Variants in STT3B observed in about 807,000 individuals in gnomAD.
STT3B encodes STT3 oligosaccharyltransferase complex catalytic subunit B.
A neutral mutation model predicts 96.8 loss-of-function variants in STT3B; 29 were observed. That is an observed-to-expected ratio of 0.30 (90% CI 0.22 to 0.41). The LOEUF is 0.41. STT3B is among the 10% of genes least tolerant of loss of function. STT3B has a pLI of 1.00. For synonymous variants in STT3B, 367 were observed against 360.0 expected, an observed-to-expected ratio of 1.02 and a Z score of -0.22; for missense variants, 640 against 1,022.3, an observed-to-expected ratio of 0.63 and a Z score of 5.10.
intron 1 of STT3B, among the ~76,000 whole-genome samples, chr3:31,563,709 C>T (rs1049027021): frequency 3.9e-5 from 6 of 152,142 alleles, no homozygotes; most frequent in Admixed American, 1.3e-4. Flanking sequence ...GATATAATGC[C>T]CCTGTGGCCA....
At chr3:31,599,374 G>A (rs1698872960) in intron 4 of STT3B, among the ~76,000 whole-genome samples, 1 of 152,108 alleles carries the variant, frequency 6.6e-6, no homozygotes, top group Non-Finnish European at 1.5e-5. Context: ...TTCAAATTTA[G>A]ACTTAAATTT....
chr3:31,586,590 T>C (rs1698542916), intron 3 of STT3B, among the ~76,000 whole-genome samples: 1 of 152,126 alleles, frequency 6.6e-6, no homozygotes, highest in Admixed American at 6.6e-5. Context: ...TAAGGGTTGT[T>C]GGGTTTGAAT....
intron 1 of STT3B, among the ~76,000 whole-genome samples, chr3:31,551,606 C>T (rs1575409688): frequency 6.6e-6 from 1 of 152,152 alleles, no homozygotes; most frequent in Admixed American, 6.5e-5. Context: ...ACCGTTCCCA[C>T]GAATACATGT....
intron 1 of STT3B, among the ~76,000 whole-genome samples, chr3:31,569,958 G>A (rs1012837023): frequency 2.6e-5 from 4 of 151,876 alleles, no homozygotes; most frequent in South Asian, 2.1e-4. Flanking sequence ...CTATATCTAC[G>A]TATATATACC....
At chr3:31,550,293 C>T (rs955759024) in intron 1 of STT3B, among the ~76,000 whole-genome samples, 1 of 152,188 alleles carries the variant, frequency 6.6e-6, no homozygotes, top group African/African-American at 2.4e-5. Flanking sequence ...TGCAGAGTAG[C>T]TCTAAGGAGT....
chr3:31,570,014 C>T (rs1698101168), intron 1 of STT3B, among the ~76,000 whole-genome samples: 1 of 152,062 alleles, frequency 6.6e-6, no homozygotes, highest in African/African-American at 2.4e-5. Flanking sequence ...AGAGCTAATA[C>T]TGTAATGAAC....
intron 13 of STT3B, among the ~76,000 whole-genome samples, chr3:31,628,070 A>G (rs1699571793): frequency 6.6e-6 from 1 of 152,218 alleles, no homozygotes; most frequent in East Asian, 1.9e-4. Flanking sequence ...GTAAGTTGCT[A>G]AGAGAGTAGA....
intron 2 of STT3B, among the ~76,000 whole-genome samples, chr3:31,579,010 G>C (rs1044416408): frequency 3.3e-5 from 5 of 151,858 alleles, no homozygotes; most frequent in African/African-American, 1.2e-4. Flanking sequence ...CTTACCTAAG[G>C]GAGCAGATGT....
chr3:31,607,697 TA>T (rs1699084698), intron 5 of STT3B, among the ~76,000 whole-genome samples: 1 of 152,204 alleles, frequency 6.6e-6, no homozygotes, highest in Non-Finnish European at 1.5e-5. Flanking sequence ...AGTCAAATAC[TA>T]CAGGGTTTAT....
At chr3:31,551,280 A>G (rs1396240981) in intron 1 of STT3B, among the ~76,000 whole-genome samples, 1 of 151,964 alleles carries the variant, frequency 6.6e-6, no homozygotes, top group Non-Finnish European at 1.5e-5. Flanking sequence ...CAGTGGTGTC[A>G]TCTCGGCTCA....
At chr3:31,619,470 T>C (rs374212470) in intron 8 of STT3B, among the ~76,000 whole-genome samples, 1 of 152,320 alleles carries the variant, frequency 6.6e-6, no homozygotes, top group Admixed American at 6.5e-5. Flanking sequence ...ATTCTCTGAA[T>C]TTTACAGAGG....
intron 1 of STT3B, among the ~76,000 whole-genome samples, chr3:31,544,492 A>G (rs560505072): frequency 1.3e-5 from 2 of 152,350 alleles, no homozygotes; most frequent in African/African-American, 4.8e-5. Context: ...TAGTTATAGA[A>G]TCATTCCATG....
Position 31,619,794 on chromosome 3 carries a change from T to C in STT3B, c.1291T>C (p.Phe431Leu). ...LVCTFPAGLW[F>L]CIKNINDERV... ...ATGTACCTTCCCAGCAGGCCTTTGGTTCTGCATCAAAAATATCAACGATGA... is the reference window on the plus strand; with the variant it reads ...ATGTACCTTCCCAGCAGGCCTTTGGCTCTGCATCAAAAATATCAACGATGA... Residue 431 changes from phenylalanine to leucine, a missense_variant, in exon 9 of 16, where the codon TTC becomes CTC. Phe to Leu is a conservative substitution (Grantham distance 22). Coordinates refer to ENST00000295770, the MANE Select transcript of STT3B (RefSeq NM_178862.3). The C allele has an allele frequency of 1.2e-6, 2 of 1,612,758 alleles. No individual in the cohort carries two copies. Among genetic ancestry groups the C allele is most frequent in the Non-Finnish European group, 8.5e-7 (1 of 1,179,648 alleles).
Position 31,619,086 on chromosome 3 carries a change from T to G in STT3B, c.1173-590T>G, listed in dbSNP as rs185832411. 5.9e-4 allele frequency among the ~76,000 whole-genome samples: 90 copies of G among 152,154 alleles called. 1 individual carries two copies. Among genetic ancestry groups the G allele is most frequent in the South Asian group, 1.2e-3 (6 of 4,826 alleles). ...CTTCATGTCAAGCAAGGCATTATTG[T>G]GTAAGGTGTAATTATTGGGTAAAGT... On this transcript the variant is annotated intron_variant, in intron 8 of 15. Coordinates refer to ENST00000295770, the MANE Select transcript of STT3B (RefSeq NM_178862.3).
chr3:31,539,965 CT>C (rs1161460523), intron 1 of STT3B, among the ~76,000 whole-genome samples: 2 of 152,058 alleles, frequency 1.3e-5, no homozygotes, highest in Non-Finnish European at 2.9e-5. Context: ...TGTTGGCCCC[CT>C]GTTTCTATTT....
chr3:31,562,914 G>A (rs181901953), intron 1 of STT3B, among the ~76,000 whole-genome samples: 5 of 152,282 alleles, frequency 3.3e-5, no homozygotes, highest in East Asian at 1.9e-4. Flanking sequence ...CAGTGCTTTC[G>A]CGTGGACTTC....
At chr3:31,595,447 T>C (rs1412363466) in intron 3 of STT3B, among the ~76,000 whole-genome samples, 1 of 152,202 alleles carries the variant, frequency 6.6e-6, no homozygotes, top group Non-Finnish European at 1.5e-5. Flanking sequence ...CCTCTCTCCT[T>C]GTTTATAATT....
intron 3 of STT3B, among the ~76,000 whole-genome samples, chr3:31,591,622 A>T (rs1447735127): frequency 2.0e-5 from 3 of 152,136 alleles, no homozygotes; most frequent in Non-Finnish European, 4.4e-5. Context: ...AAAATATAGC[A>T]GCTTTGCTCC....
intron 4 of STT3B, among the ~76,000 whole-genome samples, chr3:31,597,220 C>T (rs775806087): frequency 6.6e-6 from 1 of 151,572 alleles, no homozygotes; most frequent in Non-Finnish European, 1.5e-5. Flanking sequence ...AGTGCAGTGG[C>T]ACGATCTCAG....
Sources: gnomAD v4.1 joint callset for allele counts (sites outside exome capture counted in the v4.1 genomes callset) on GRCh38, gnomAD v4.1.1 for gene constraint, MANE v1.5 for transcripts, NCBI Gene and HGNC (gene_info 2026-07-23, HGNC 2026-07-21) for gene names.